Variants in PPARGC1A observed in about 807,000 individuals in gnomAD.
PPARGC1A encodes the protein peroxisome proliferator-activated receptor gamma coactivator 1-alpha.
A neutral mutation model predicts 88.7 loss-of-function variants in PPARGC1A; 25 were observed. That is an observed-to-expected ratio of 0.28 (90% CI 0.21 to 0.39). The LOEUF (loss-of-function observed/expected upper bound fraction) is 0.39. Among genes scored for constraint, PPARGC1A ranks in the 10% least tolerant of loss-of-function variants. The pLI, the probability that PPARGC1A is intolerant of heterozygous loss-of-function variation, is 1.00. For missense variants in PPARGC1A, 880 were observed against 968.7 expected (o/e 0.91, Z 1.22); for synonymous variants, 363 against 355.6 (o/e 1.02, Z -0.24).
chr4:24,360,860 T>C, the PPARGC1A span, among the ~76,000 whole-genome samples: 1 of 152,238 alleles, frequency 6.6e-6, no homozygotes, highest in Non-Finnish European at 1.5e-5. Flanking sequence ...TATAGATTTG[T>C]ACCTTATATA....
At chr4:23,829,354 C>T in intron 4 of PPARGC1A, 109 bp downstream of exon 4, 1 of 1,184,544 alleles carries the variant, frequency 8.4e-7, no homozygotes, top group Non-Finnish European at 1.2e-6. Flanking sequence ...CATTATGAGG[C>T]AGCTTCGGGG....
chr4:24,443,701 G>A, the PPARGC1A span, among the ~76,000 whole-genome samples: 146 of 151,102 alleles, frequency 9.7e-4, no homozygotes, highest in African/African-American at 3.4e-3. Context: ...GATTACAGGC[G>A]CCTGCCACCA....
At chr4:24,057,477 A>G in the PPARGC1A span, among the ~76,000 whole-genome samples, 1 of 149,314 alleles carries the variant, frequency 6.7e-6, no homozygotes, top group African/African-American at 2.5e-5. Flanking sequence ...AAAAAAAGCC[A>G]TGGGGACAGC....
chr4:23,881,910 G>A (rs1716015886), intron 2 of PPARGC1A: 1 of 152,198 alleles, frequency 6.6e-6, no homozygotes, highest in Non-Finnish European at 1.5e-5. Flanking sequence ...TTTGGTAGAA[G>A]CAACACAAAC....
chr4:24,074,528 T>C, the PPARGC1A span, among the ~76,000 whole-genome samples: 1 of 152,322 alleles, frequency 6.6e-6, no homozygotes, highest in Admixed American at 6.5e-5. Context: ...ACATAATGAT[T>C]TGACATACAA....
chr4:24,135,449 G>A, the PPARGC1A span, among the ~76,000 whole-genome samples: 1 of 152,132 alleles, frequency 6.6e-6, no homozygotes, highest in African/African-American at 2.4e-5. Flanking sequence ...GGCCCCTGAG[G>A]TTCCCTTCCC....
chr4:23,856,819 C>T, intron 2 of PPARGC1A, among the ~76,000 whole-genome samples: 1 of 152,028 alleles, frequency 6.6e-6, no homozygotes, highest in East Asian at 1.9e-4. Context: ...CACCGAGAGG[C>T]TGGCACAGAG....
chr4:24,016,218 T>C, the PPARGC1A span, among the ~76,000 whole-genome samples: 1 of 152,182 alleles, frequency 6.6e-6, no homozygotes, highest in Non-Finnish European at 1.5e-5. Flanking sequence ...CCAATACATA[T>C]GACCATTTCA....
At chr4:23,998,019 A>G in the PPARGC1A span, among the ~76,000 whole-genome samples, 2 of 152,214 alleles carry the variant, frequency 1.3e-5, no homozygotes, top group Non-Finnish European at 2.9e-5. Flanking sequence ...ATAATTGTCT[A>G]CATCAGTACA....
chr4:23,983,454 T>C, the PPARGC1A span, among the ~76,000 whole-genome samples: 1 of 152,122 alleles, frequency 6.6e-6, no homozygotes, highest in South Asian at 2.1e-4. Context: ...ATGCTGGATA[T>C]GCTAGGAATT....
At chr4:24,387,877 AG>A in the PPARGC1A span, among the ~76,000 whole-genome samples, 1 of 93,714 alleles carries the variant, frequency 1.1e-5, no homozygotes, top group African/African-American at 4.1e-5. Flanking sequence ...AGGAAGAAAG[AG>A]AAAGAAAGAA....
intron 2 of PPARGC1A, among the ~76,000 whole-genome samples, chr4:23,845,391 G>A (rs1728141913): frequency 6.6e-6 from 1 of 152,146 alleles, no homozygotes; most frequent in African/African-American, 2.4e-5. Flanking sequence ...AAACTGTGCA[G>A]CTGCAGATTC....
At chr4:24,072,944 G>A in the PPARGC1A span, among the ~76,000 whole-genome samples, 6 of 152,150 alleles carry the variant, frequency 3.9e-5, no homozygotes, top group African/African-American at 1.4e-4. Flanking sequence ...ATCTGAATAT[G>A]AGGGATTCAT....
chr4:23,960,105 A>G, the PPARGC1A span, among the ~76,000 whole-genome samples: 1 of 152,082 alleles, frequency 6.6e-6, no homozygotes, highest in South Asian at 2.1e-4. Flanking sequence ...ACCTTTAAAA[A>G]CTGATTTGAA....
the PPARGC1A span, among the ~76,000 whole-genome samples, chr4:24,384,509 T>C: frequency 8.1e-6 from 1 of 124,120 alleles, no homozygotes; most frequent in East Asian, 2.3e-4. Flanking sequence ...AAGACACACA[T>C]AGGCTCAAAA....
the PPARGC1A span, among the ~76,000 whole-genome samples, chr4:24,066,775 T>C: frequency 6.6e-6 from 1 of 152,038 alleles, no homozygotes; most frequent in African/African-American, 2.4e-5. Context: ...TATGAGAGAT[T>C]GAACTAGTCT....
chr4:24,383,753 G>T, the PPARGC1A span, among the ~76,000 whole-genome samples: 1 of 152,158 alleles, frequency 6.6e-6, no homozygotes, highest in Admixed American at 6.5e-5. Flanking sequence ...ACATTTGATT[G>T]TTGTACCTGA....
At chr4:23,877,916 G>A (rs1201216276) in intron 2 of PPARGC1A, 3 of 152,234 alleles carry the variant, frequency 2.0e-5, no homozygotes, top group African/African-American at 7.2e-5. Flanking sequence ...AAGTGTATAA[G>A]GTCTCCACAC....
At chr4:23,924,808 G>C in the PPARGC1A span, among the ~76,000 whole-genome samples, 1 of 152,022 alleles carries the variant, frequency 6.6e-6, no homozygotes, top group Non-Finnish European at 1.5e-5. Context: ...TGATTTCCTG[G>C]CATAGCTCAC....
Sources: gnomAD v4.1 joint callset for allele counts (sites outside exome capture counted in the v4.1 genomes callset) on GRCh38, gnomAD v4.1.1 for gene constraint, MANE v1.5 for transcripts, NCBI Gene and HGNC (gene_info 2026-07-23, HGNC 2026-07-21) for gene names.